Variants in DLG2 observed in about 807,000 individuals in gnomAD.
The protein encoded by DLG2 is discs large MAGUK scaffold protein 2.
DLG2 carries 45 observed loss-of-function variants against 132.5 expected under a neutral mutation model. The observed-to-expected ratio is 0.34, with a 90% CI of 0.27 to 0.44. DLG2 has a LOEUF of 0.44. Ranked by LOEUF, DLG2 falls within the 20% of genes least tolerant of loss-of-function variation. The pLI, the probability that DLG2 is intolerant of heterozygous loss-of-function variation, is 1.00. For missense variants in DLG2, 1,045 were observed against 1,196.9 expected (o/e 0.87, Z 1.87); for synonymous variants, 424 against 419.6 (o/e 1.01, Z -0.13).
At chr11:83,479,584 A>T (rs1359890353) in intron 22 of DLG2, among the ~76,000 whole-genome samples, 1 of 152,084 alleles carries the variant, frequency 6.6e-6, no homozygotes, top group Non-Finnish European at 1.5e-5. Context: ...GTCACCAAAA[A>T]CCAGTAAGTA....
chr11:84,565,558 T>C (rs1026520773), intron 6 of DLG2, among the ~76,000 whole-genome samples: 1 of 152,180 alleles, frequency 6.6e-6, no homozygotes, highest in Non-Finnish European at 1.5e-5. Context: ...GCACAATACC[T>C]AGAACATAGT....
At chr11:85,423,501 A>C (rs1035007482) in intron 3 of DLG2, among the ~76,000 whole-genome samples, 1 of 152,136 alleles carries the variant, frequency 6.6e-6, no homozygotes, top group Non-Finnish European at 1.5e-5. Flanking sequence ...CCAGGAATAT[A>C]TGCCCTTTGT....
intron 8 of DLG2, among the ~76,000 whole-genome samples, chr11:84,244,201 G>A (rs1432857626): frequency 2.6e-5 from 4 of 151,088 alleles, no homozygotes. Flanking sequence ...TTTTTTCCCT[G>A]AGGTGGAGTC....
chr11:84,948,661 G>T (rs185290406), intron 6 of DLG2, among the ~76,000 whole-genome samples: 221 of 152,266 alleles, frequency 1.5e-3, no homozygotes, highest in Non-Finnish European at 2.7e-3. Flanking sequence ...AATCCGTAAG[G>T]TTCAAGATAC....
At chr11:84,521,815 G>A (rs916220936) in intron 7 of DLG2, among the ~76,000 whole-genome samples, 12 of 152,176 alleles carry the variant, frequency 7.9e-5, no homozygotes, top group Non-Finnish European at 1.8e-4. Flanking sequence ...CAGGTAATAT[G>A]TCTTATAGTC....
chr11:85,579,799 A>C (rs1046170326), intron 3 of DLG2, among the ~76,000 whole-genome samples: 1 of 151,964 alleles, frequency 6.6e-6, no homozygotes, highest in African/African-American at 2.4e-5. Context: ...CAATCCACCC[A>C]CCTCAGCCTC....
At chr11:85,221,049 T>C (rs2074605721) in intron 4 of DLG2, among the ~76,000 whole-genome samples, 1 of 150,798 alleles carries the variant, frequency 6.6e-6, no homozygotes, top group Non-Finnish European at 1.5e-5. Flanking sequence ...AAACTTTCTT[T>C]TTTTTTTTTT....
intron 3 of DLG2, among the ~76,000 whole-genome samples, chr11:85,462,443 C>A (rs976263306): frequency 1.3e-5 from 2 of 152,158 alleles, no homozygotes; most frequent in Non-Finnish European, 2.9e-5. Flanking sequence ...CAATGTGGCA[C>A]ACATACACCA....
intron 21 of DLG2, among the ~76,000 whole-genome samples, chr11:83,500,392 T>C (rs1182619869): frequency 6.6e-6 from 1 of 152,176 alleles, no homozygotes; most frequent in African/African-American, 2.4e-5. Flanking sequence ...TATTCCAGCA[T>C]GGATATGAAC....
chr11:83,932,424 T>C lies in DLG2; in HGVS notation c.1341-1941A>G, dbSNP rs183807786. Among the ~76,000 whole-genome samples, 632 of 151,948 alleles carry C rather than the reference T, an allele frequency of 4.2e-3. 2 individuals carry two copies. Among genetic ancestry groups the C allele is most frequent in the African/African-American group, 0.013 (555 of 41,434 alleles). On this transcript the variant is annotated intron_variant, in intron 14 of 27. Transcript: ENST00000376104. ...TAATTTTTTGTATTTTTAGTAGAGA[T>C]GGGGTTTCACTGCATTAGCAAGGAT...
chr11:84,723,942 C>T (rs1382780855), intron 6 of DLG2, among the ~76,000 whole-genome samples: 1 of 152,070 alleles, frequency 6.6e-6, no homozygotes, highest in East Asian at 1.9e-4. Context: ...ATAAATGTAA[C>T]CAGGTTTTAA....
intron 9 of DLG2, among the ~76,000 whole-genome samples, chr11:84,132,285 T>A (rs1388876676): frequency 6.6e-6 from 1 of 152,028 alleles, no homozygotes; most frequent in Admixed American, 6.6e-5. Flanking sequence ...GCAAAGCAGA[T>A]TCATCAGGGT....
intron 6 of DLG2, among the ~76,000 whole-genome samples, chr11:84,731,863 T>C (rs1485554748): frequency 6.6e-6 from 1 of 152,052 alleles, no homozygotes; most frequent in Non-Finnish European, 1.5e-5. Flanking sequence ...ACTGTCAACA[T>C]AATCAAGATA....
At chr11:84,654,081 T>C (rs2099685298) in intron 6 of DLG2, among the ~76,000 whole-genome samples, 1 of 152,254 alleles carries the variant, frequency 6.6e-6, no homozygotes, top group African/African-American at 2.4e-5. Context: ...TTACATTATA[T>C]AGTACTCACA....
At chr11:84,501,233 G>C (rs761659412) in intron 7 of DLG2, among the ~76,000 whole-genome samples, 2 of 152,068 alleles carry the variant, frequency 1.3e-5, no homozygotes, top group African/African-American at 4.8e-5. Flanking sequence ...TTATACAAAC[G>C]GTCACTTATT....
chr11:85,120,503 C>G (rs1363254245), intron 5 of DLG2, among the ~76,000 whole-genome samples: 1 of 151,894 alleles, frequency 6.6e-6, no homozygotes, highest in Non-Finnish European at 1.5e-5. Flanking sequence ...TTTATGGTTT[C>G]TTTAGCAAAT....
At chr11:83,815,824 C>A (rs915791979) in intron 17 of DLG2, among the ~76,000 whole-genome samples, 2 of 152,160 alleles carry the variant, frequency 1.3e-5, no homozygotes, top group Non-Finnish European at 2.9e-5. Context: ...CAGATTAAAG[C>A]AGTAAAAAGG....
intron 6 of DLG2, among the ~76,000 whole-genome samples, chr11:84,692,070 G>C (rs2058107861): frequency 6.6e-6 from 1 of 151,500 alleles, no homozygotes; most frequent in Non-Finnish European, 1.5e-5. Context: ...TCCACCACCA[G>C]ACCAGAAAAT....
rs529528161 is a variant in DLG2 at position 84,258,859 on chromosome 11, T to C, written c.520-7568A>G. Among the ~76,000 whole-genome samples, 3 of 152,348 alleles carry C rather than the reference T, an allele frequency of 2.0e-5. No individual in the cohort carries two copies. The South Asian group carries it at 6.2e-4, about 32-fold the overall frequency. On this transcript the variant is annotated intron_variant, in intron 7 of 27. Coordinates refer to ENST00000376104, the MANE Select transcript of DLG2 (RefSeq NM_001142699.3). ...AAATTTATCACCGTTCTGACTTAGA[T>C]TCAATTCCCCAGTTATCAGAGGTTT...
Sources: allele counts gnomAD v4.1 joint callset (sites outside exome capture counted in the v4.1 genomes callset), GRCh38; gene constraint gnomAD v4.1.1; transcripts MANE v1.5; gene names NCBI Gene and HGNC (gene_info 2026-07-23, HGNC 2026-07-21).